The following RMDN2 variants were observed in gnomAD, a reference collection of about 807,000 sequenced individuals.
RMDN2 encodes regulator of microtubule dynamics 2.
Under a neutral mutation model 52.8 loss-of-function variants are expected in RMDN2, and 61 were observed. That is an observed-to-expected ratio of 1.16 (90% CI 0.94 to 1.43). The LOEUF (loss-of-function observed/expected upper bound fraction) is 1.43. Ranked by LOEUF, RMDN2 falls within the 40% of genes most tolerant of loss-of-function variation. The probability of loss-of-function intolerance (pLI) is 0.00; values close to 1 mark genes in which losing one functional copy is unlikely to be tolerated. For synonymous variants in RMDN2, 180 were observed against 153.1 expected (o/e 1.18, Z -1.30); for missense variants, 592 against 475.3 (o/e 1.25, Z -2.28).
downstream of RMDN2, among the ~76,000 whole-genome samples, chr2:38,019,203 C>T (rs988980514): frequency 6.6e-6 from 1 of 152,156 alleles, no homozygotes; most frequent in Admixed American, 6.5e-5. Context: ...GACATAGAAT[C>T]AAGTATGTTG....
chr2:38,013,135 C>G (rs1678240925), intron 10 of RMDN2, among the ~76,000 whole-genome samples: 1 of 152,142 alleles, frequency 6.6e-6, no homozygotes, highest in Admixed American at 6.5e-5. Context: ...AGAAACATTT[C>G]TTTTTTAAAA....
chr2:37,925,873 C>T (rs1297817706), intron 1 of RMDN2, among the ~76,000 whole-genome samples: 2 of 152,168 alleles, frequency 1.3e-5, no homozygotes, highest in African/African-American at 4.8e-5. Flanking sequence ...CCGTCTGTGC[C>T]TATTTCACAC....
chr2:37,965,325 CTCTT>C (rs1670889291), intron 2 of RMDN2, among the ~76,000 whole-genome samples: 1 of 144,292 alleles, frequency 6.9e-6, no homozygotes. Context: ...ATTGCTACCT[CTCTT>C]TGTGTTTAGT....
At chr2:37,924,998 G>T (rs1046654069), upstream of RMDN2, among the ~76,000 whole-genome samples, 1 of 152,224 alleles carries the variant, frequency 6.6e-6, no homozygotes, top group African/African-American at 2.4e-5. Context: ...CCGGAACGAA[G>T]CGAGCTGGCG....
At chr2:37,941,942 CAAAA>C (rs70949788) in intron 2 of RMDN2, among the ~76,000 whole-genome samples, 1 of 141,092 alleles carries the variant, frequency 7.1e-6, no homozygotes. Context: ...ACTGGGGTAC[CAAAA>C]AAAAAAAAAA....
intron 10 of RMDN2, among the ~76,000 whole-genome samples, chr2:38,050,232 G>A (rs4670810): frequency 0.4 from 59,730 of 151,214 alleles, 14,690 homozygotes; most frequent in East Asian, 0.78. Flanking sequence ...CTCCTCTCAT[G>A]CCTCCTCAGG....
downstream of RMDN2, among the ~76,000 whole-genome samples, chr2:38,022,035 A>G (rs994359067): frequency 1.3e-5 from 2 of 152,214 alleles, no homozygotes; most frequent in African/African-American, 2.4e-5. Flanking sequence ...GAGGCTTGGA[A>G]TAAATAACTT....
At chr2:38,012,420 G>A (rs1678131025) in intron 10 of RMDN2, among the ~76,000 whole-genome samples, 1 of 152,132 alleles carries the variant, frequency 6.6e-6, no homozygotes, top group Non-Finnish European at 1.5e-5. Flanking sequence ...CATATAATAA[G>A]CACTCAGTAA....
intron 4 of RMDN2, among the ~76,000 whole-genome samples, chr2:37,978,317 G>A (rs1672828516): frequency 7.8e-6 from 1 of 129,002 alleles, no homozygotes; most frequent in African/African-American, 3.1e-5. Context: ...GTGCAAAGGG[G>A]AGGGGGGAGA....
At chr2:37,993,393 A>C (rs761366304) in intron 7 of RMDN2, among the ~76,000 whole-genome samples, 4 of 152,248 alleles carry the variant, frequency 2.6e-5, no homozygotes, top group Non-Finnish European at 5.9e-5. Context: ...AAATGTGTAA[A>C]GAAAGTTTCC....
At chr2:37,956,792 G>A (rs958226538) in intron 2 of RMDN2, among the ~76,000 whole-genome samples, 2 of 151,922 alleles carry the variant, frequency 1.3e-5, no homozygotes, top group Non-Finnish European at 2.9e-5. Context: ...TTGTCCTAAC[G>A]CTACCCCTCC....
At chr2:37,956,176 G>A (rs190116300) in intron 2 of RMDN2, among the ~76,000 whole-genome samples, 18 of 152,160 alleles carry the variant, frequency 1.2e-4, no homozygotes, top group East Asian at 1.2e-3. Context: ...ACTGTCAAAC[G>A]CCACCAAATA....
chr2:37,927,503 C>T (rs552254264), intron 1 of RMDN2, among the ~76,000 whole-genome samples: 1 of 152,298 alleles, frequency 6.6e-6, no homozygotes, highest in Admixed American at 6.5e-5. Flanking sequence ...AATAAGTTCT[C>T]CTTCCTAGGT....
chr2:38,039,955 T>C (rs933724859), intron 10 of RMDN2, among the ~76,000 whole-genome samples: 3 of 152,138 alleles, frequency 2.0e-5, no homozygotes, highest in African/African-American at 7.2e-5. Flanking sequence ...TGTTTTCTTC[T>C]AGAAGTTGTA....
intron 10 of RMDN2, among the ~76,000 whole-genome samples, chr2:38,048,487 G>A (rs538916185): frequency 2.0e-5 from 3 of 152,200 alleles, no homozygotes; most frequent in African/African-American, 7.2e-5. Context: ...CTCCAGAGAG[G>A]GGCACAGGAG....
intron 2 of RMDN2, among the ~76,000 whole-genome samples, chr2:37,959,177 A>G (rs537607041): frequency 6.6e-6 from 1 of 151,174 alleles, no homozygotes; most frequent in East Asian, 1.9e-4. Flanking sequence ...AAAATGAGTT[A>G]GGGAGAAGTC....
At chr2:37,961,487 T>C (rs982402258) in intron 2 of RMDN2, among the ~76,000 whole-genome samples, 2 of 151,924 alleles carry the variant, frequency 1.3e-5, no homozygotes, top group Admixed American at 6.6e-5. Context: ...ATATGGTTAT[T>C]GATACTTGTG....
chr2:37,938,564 A>AG, intron 2 of RMDN2, among the ~76,000 whole-genome samples: 1 of 152,188 alleles, frequency 6.6e-6, no homozygotes, highest in Non-Finnish European at 1.5e-5. Flanking sequence ...TACTGCCTCA[A>AG]TTTCAGAACT....
At chr2:38,001,022 A>G (rs1676247448) in intron 8 of RMDN2, among the ~76,000 whole-genome samples, 1 of 152,202 alleles carries the variant, frequency 6.6e-6, no homozygotes, top group Admixed American at 6.5e-5. Flanking sequence ...ATGTTGGGAG[A>G]CAGGCTACCC....
Sources: gnomAD v4.1 joint callset for allele counts (sites outside exome capture counted in the v4.1 genomes callset) on GRCh38, gnomAD v4.1.1 for gene constraint, MANE v1.5 for transcripts, NCBI Gene and HGNC (gene_info 2026-07-23, HGNC 2026-07-21) for gene names.